KCTD1: variants seen among roughly 807,000 people sequenced by gnomAD.
KCTD1 encodes the protein BTB/POZ domain-containing protein KCTD1.
Under a neutral mutation model 66.0 loss-of-function variants are expected in KCTD1, and 24 were observed. That is an observed-to-expected ratio of 0.36 (90% CI 0.26 to 0.51). The LOEUF is 0.51. Among genes scored for constraint, KCTD1 ranks in the 20% least tolerant of loss-of-function variants. The pLI is 0.95. For synonymous variants in KCTD1, 511 were observed against 517.2 expected (o/e 0.99, Z 0.16); for missense variants, 943 against 1,205.2 (o/e 0.78, Z 3.22).
At chr18:26,656,031 G>T (rs933325482) in intron 1 of KCTD1, among the ~76,000 whole-genome samples, 1 of 152,132 alleles carries the variant, frequency 6.6e-6, no homozygotes, top group African/African-American at 2.4e-5. Context: ...AGGGTGGCGG[G>T]AGTGGGTAGG....
Position 26,547,967 on chromosome 18 carries a change from C to T in KCTD1, c.570G>A (p.Lys190=), listed in dbSNP as rs760797526. The change falls in exon 1 of 5, where the codon AAG becomes AAA. Residue 190 remains lysine (K), a synonymous_variant. Transcript: ENST00000580059. The part of the protein sequence containing the change: ...VRIFREYLSE[K]AQSPDFETMD... ...TGGTCTCGAAGTCCGGGCTCTGCGC[C>T]TTCTCGCTCAGGTACTCCCGGAAGA... is the stretch of plus-strand genomic sequence containing the variant. 100 of 1,541,302 alleles carry T rather than the reference C, an allele frequency of 6.5e-5. 2 individuals carry two copies. In the South Asian group the frequency reaches 1.2e-3, roughly 18 times the overall value.
At chr18:26,532,248 CT>C (rs765453665) in intron 1 of KCTD1, among the ~76,000 whole-genome samples, 29 of 133,848 alleles carry the variant, frequency 2.2e-4, no homozygotes, top group African/African-American at 5.9e-4. Flanking sequence ...TTTTCTTTTT[CT>C]TTTCTTTCCT....
chr18:26,542,089 T>C (rs931235232), intron 1 of KCTD1, among the ~76,000 whole-genome samples: 1 of 152,196 alleles, frequency 6.6e-6, no homozygotes, highest in African/African-American at 2.4e-5. Context: ...GACTGAATCC[T>C]GCTCCTCTCT....
chr18:26,590,247 C>T (rs1986568073), intron 1 of KCTD1, among the ~76,000 whole-genome samples: 1 of 151,528 alleles, frequency 6.6e-6, no homozygotes, highest in African/African-American at 2.4e-5. Context: ...CCACACCTGG[C>T]TCATTTTTTT....
At chr18:26,513,059 C>T (rs1305645983) in intron 1 of KCTD1, among the ~76,000 whole-genome samples, 1 of 151,494 alleles carries the variant, frequency 6.6e-6, no homozygotes, top group Non-Finnish European at 1.5e-5. Flanking sequence ...CCAAAGAATG[C>T]ACCTTTCTGG....
At chr18:26,473,766 G>A (rs1043591361) in intron 3 of KCTD1, among the ~76,000 whole-genome samples, 1 of 152,164 alleles carries the variant, frequency 6.6e-6, no homozygotes, top group African/African-American at 2.4e-5. Context: ...GGGGCCTTGG[G>A]AACTGCCCTT....
intron 1 of KCTD1, among the ~76,000 whole-genome samples, chr18:26,654,516 A>G (rs748543138): frequency 6.6e-6 from 1 of 152,166 alleles, no homozygotes; most frequent in Non-Finnish European, 1.5e-5. Context: ...AGAATTACAA[A>G]CACAAAAATC....
chr18:26,464,531 G>A lies in KCTD1; in HGVS notation c.2134-4606C>T, dbSNP rs746191811. On this transcript the variant is annotated intron_variant, in intron 3 of 4. Transcript: ENST00000580059. ...GGCAAGCTTCCCCCTCACAGTCAACGGTTCTGCAAAACAGTTGAAAGGCTT... is the reference window on the plus strand; with the variant it reads ...GGCAAGCTTCCCCCTCACAGTCAACAGTTCTGCAAAACAGTTGAAAGGCTT... Among the ~76,000 whole-genome samples, 4 of 152,214 alleles carry A rather than the reference G, an allele frequency of 2.6e-5. No individual in the cohort carries two copies. In the South Asian group the frequency reaches 8.3e-4, roughly 32 times the overall value.
At chr18:26,636,605 T>C (rs1444729577) in intron 1 of KCTD1, among the ~76,000 whole-genome samples, 2 of 152,208 alleles carry the variant, frequency 1.3e-5, no homozygotes, top group Non-Finnish European at 2.9e-5. Flanking sequence ...TTACTTTCAA[T>C]GGCAAAAGCC....
intron 1 of KCTD1, among the ~76,000 whole-genome samples, chr18:26,526,134 GA>G (rs531375053): frequency 3.0e-4 from 45 of 149,314 alleles, no homozygotes; most frequent in Non-Finnish European, 5.8e-4. Context: ...CTTCTGGGTT[GA>G]AAAAAAAAAT....
chr18:26,460,617 TAG>T (rs1980370849), intron 3 of KCTD1, among the ~76,000 whole-genome samples: 1 of 152,220 alleles, frequency 6.6e-6, no homozygotes, highest in Non-Finnish European at 1.5e-5. Context: ...GCTGCCATCA[TAG>T]AGTCAGAGAC....
upstream of KCTD1, among the ~76,000 whole-genome samples, chr18:26,644,866 A>G (rs1453820048): frequency 6.6e-6 from 1 of 152,040 alleles, no homozygotes; most frequent in East Asian, 1.9e-4. Flanking sequence ...AGAATAATAT[A>G]CTCTGGTCAA....
intron 1 of KCTD1, among the ~76,000 whole-genome samples, chr18:26,561,211 C>A (rs928947675): frequency 1.3e-5 from 2 of 151,694 alleles, no homozygotes; most frequent in African/African-American, 2.4e-5. Context: ...ACATATTTTA[C>A]AAATGTAACT....
intron 1 of KCTD1, among the ~76,000 whole-genome samples, chr18:26,512,109 A>T (rs1003794860): frequency 1.2e-4 from 18 of 152,060 alleles, no homozygotes; most frequent in African/African-American, 4.1e-4. Context: ...CTCCTCTGAG[A>T]TTCTTTTTTG....
Position 26,547,623 on chromosome 18 carries a change from C to T in KCTD1, c.914G>A (p.Gly305Glu). 1 of 1,551,578 alleles carries T rather than the reference C, an allele frequency of 6.4e-7. No individual in the cohort carries two copies. The highest frequency in any genetic ancestry group is 8.7e-7 in the Non-Finnish European group (1 of 1,146,936). ...SSVFSTNTPFGLLNKVWFETC... is the reference protein window; with the variant it reads ...SSVFSTNTPFELLNKVWFETC... ...CTCGAACCAGACCTTGTTGAGCAGCCCGAAGGGCGTGTTGGTGCTGAAGAC... is the reference window on the plus strand; with the variant it reads ...CTCGAACCAGACCTTGTTGAGCAGCTCGAAGGGCGTGTTGGTGCTGAAGAC... The change falls in exon 1 of 5, where the codon GGG becomes GAG. Residue 305 changes from glycine (G) to glutamate (E), a missense_variant. Coordinates refer to ENST00000580059, the MANE Select transcript of KCTD1 (RefSeq NM_001142730.3).
intron 1 of KCTD1, among the ~76,000 whole-genome samples, chr18:26,555,019 T>G (rs1219808583): frequency 6.6e-6 from 1 of 152,240 alleles, no homozygotes; most frequent in Non-Finnish European, 1.5e-5. Context: ...AAGTGGACAT[T>G]AGTCCTGCTA....
chr18:26,654,085 G>A (rs1242946109), intron 1 of KCTD1, among the ~76,000 whole-genome samples: 1 of 152,158 alleles, frequency 6.6e-6, no homozygotes, highest in East Asian at 1.9e-4. Flanking sequence ...ATCAGAAGTA[G>A]AAAACTATCA....
Position 26,548,220 on chromosome 18 carries a change from T to A in KCTD1, c.317A>T (p.Glu106Val), listed in dbSNP as rs192197412. Residue 106 changes from glutamate (E) to valine (V), a missense_variant, in exon 1 of 5, where the codon GAG (glutamate) becomes GTG (valine). Glu to Val is a moderately radical substitution (Grantham distance 121). Transcript: ENST00000580059. ...CTCCTCCCCGGCCGAGTCCTCGGGC[T>A]CCAGGGGCTCGTCCCAGTCCAGCCC... ...EMGLDWDEPL[E>V]PEDSAGEELE... The A allele has an allele frequency of 2.2e-3, 3,268 of 1,508,482 alleles. 10 individuals are homozygous for A. The highest frequency in any genetic ancestry group is 1.8e-3 in the Non-Finnish European group (2,053 of 1,132,348). The allele number at this position is 1,508,482 out of a possible 1,614,324, so 93.4% of individuals were successfully genotyped here. A position where few individuals can be genotyped will look rare whatever the true frequency, so the allele number is the denominator to read the frequency against.
At chr18:26,477,004 T>C (rs1395110946) in intron 2 of KCTD1, 2 of 186,408 alleles carry the variant, frequency 1.1e-5, no homozygotes, top group Non-Finnish European at 2.2e-5. Flanking sequence ...TTAAAAAATG[T>C]TATTGCTCCA....
Sources: allele counts gnomAD v4.1 joint callset (sites outside exome capture counted in the v4.1 genomes callset), GRCh38; gene constraint gnomAD v4.1.1; transcripts MANE v1.5; gene names NCBI Gene and HGNC (gene_info 2026-07-23, HGNC 2026-07-21).